PTPRD: variants seen among roughly 807,000 people sequenced by gnomAD.
The protein encoded by PTPRD is receptor-type tyrosine-protein phosphatase delta.
In PTPRD, 34 loss-of-function variants were observed where a neutral mutation model predicts 214.5. The observed-to-expected ratio is 0.16, with a 90% confidence interval of 0.12 to 0.21. PTPRD has a LOEUF of 0.21. PTPRD is among the 10% of genes least tolerant of loss of function. The pLI, the probability that PTPRD is intolerant of heterozygous loss-of-function variation, is 1.00. For synonymous variants in PTPRD, 1,128 were observed against 845.7 expected (o/e 1.33, Z -5.79); for missense variants, 2,545 against 2,398.7 (o/e 1.06, Z -1.27).
At chr9:8,323,611 C>T (rs1303820167) in intron 44 of PTPRD, among the ~76,000 whole-genome samples, 1 of 136,826 alleles carries the variant, frequency 7.3e-6, no homozygotes, top group Non-Finnish European at 1.5e-5. Flanking sequence ...GGTGGAATAG[C>T]AAGATAACTA....
At position 9,829,993 on chromosome 9, in the gene PTPRD, TA is replaced by T. The variant is rs566303806; in HGVS notation, c.-367-63143del. On this transcript the variant is annotated intron_variant, in intron 5 of 45. Transcript: ENST00000381196. ...TCTTTTGCATGCTTATCTGTTAAAGTATAGCAGAAGGTTAATAGTTCCATGT... is the reference window on the plus strand; with the variant it reads ...TCTTTTGCATGCTTATCTGTTAAAGTTAGCAGAAGGTTAATAGTTCCATGT... Among the ~76,000 whole-genome samples the T allele has an allele frequency of 4.9e-4, 75 of 151,936 alleles. No individual in the cohort carries two copies. In the South Asian group the frequency reaches 0.015, roughly 31 times the overall value.
At position 10,244,552 on chromosome 9, in the gene PTPRD, A is replaced by T. The variant is rs559072725; in HGVS notation, c.-545+96411T>A. On this transcript the variant is annotated intron_variant, in intron 3 of 45. Transcript: ENST00000381196. ...TTTTTTACAACAAAAGTAGTTTATT[A>T]GGTTAAGCAGGAGGAAAAAAATTCC... 2.0e-5 allele frequency among the ~76,000 whole-genome samples: 3 copies of T among 151,498 alleles called. No homozygotes were observed. The East Asian group carries it at 6.0e-4, about 30-fold the overall frequency.
intron 11 of PTPRD, among the ~76,000 whole-genome samples, chr9:9,003,692 G>C (rs991115052): frequency 6.6e-6 from 1 of 152,120 alleles, no homozygotes; most frequent in Admixed American, 6.6e-5. Flanking sequence ...CAAGCATGTT[G>C]GTTGCTTACT....
chr9:8,326,093 C>T (rs930070402), intron 44 of PTPRD, among the ~76,000 whole-genome samples: 4 of 152,224 alleles, frequency 2.6e-5, no homozygotes, highest in African/African-American at 9.6e-5. Flanking sequence ...TTGGCCAGAA[C>T]TTCCAATACT....
intron 8 of PTPRD, among the ~76,000 whole-genome samples, chr9:9,506,503 T>C (rs1369275219): frequency 2.0e-5 from 3 of 151,412 alleles, no homozygotes; most frequent in Non-Finnish European, 4.4e-5. Context: ...ATGCTTCTTA[T>C]ATGGGTTTCT....
chr9:9,184,144 T>G (rs184380277), intron 9 of PTPRD, among the ~76,000 whole-genome samples: 2 of 152,146 alleles, frequency 1.3e-5, no homozygotes, highest in Admixed American at 1.3e-4. Context: ...GGGGAGAGAC[T>G]TTTTGACACC....
intron 8 of PTPRD, among the ~76,000 whole-genome samples, chr9:9,413,056 G>A (rs1016658150): frequency 2.7e-5 from 4 of 149,622 alleles, no homozygotes; most frequent in Admixed American, 6.6e-5. Context: ...TTGTGATGAG[G>A]ACAGTCATTT....
At chr9:9,089,397 T>G (rs1418469780) in intron 10 of PTPRD, among the ~76,000 whole-genome samples, 1 of 152,108 alleles carries the variant, frequency 6.6e-6, no homozygotes, top group African/African-American at 2.4e-5. Context: ...AAATAATGAG[T>G]ATGTAGCTGG....
chr9:9,980,975 A>T (rs1364524875), intron 4 of PTPRD, among the ~76,000 whole-genome samples: 1 of 152,174 alleles, frequency 6.6e-6, no homozygotes, highest in South Asian at 2.1e-4. Flanking sequence ...GTCATTCTGC[A>T]GAAAAGTCTC....
intron 11 of PTPRD, among the ~76,000 whole-genome samples, chr9:8,973,225 C>T (rs2099249310): frequency 6.6e-6 from 1 of 151,904 alleles, no homozygotes; most frequent in Non-Finnish European, 1.5e-5. Context: ...CTTCTCTCCT[C>T]CCTCTAATCA....
chr9:9,854,669 T>C (rs1277132255), intron 5 of PTPRD, among the ~76,000 whole-genome samples: 1 of 152,194 alleles, frequency 6.6e-6, no homozygotes. Context: ...TTTGATTACT[T>C]ATCTAAATTG....
At chr9:9,033,016 G>C (rs192567146) in intron 10 of PTPRD, among the ~76,000 whole-genome samples, 76 of 152,124 alleles carry the variant, frequency 5.0e-4, no homozygotes, top group African/African-American at 1.8e-3. Context: ...TGCAAAAATG[G>C]TACTAATCAC....
chr9:8,894,146 G>C (rs755212592), intron 11 of PTPRD, among the ~76,000 whole-genome samples: 1 of 152,020 alleles, frequency 6.6e-6, no homozygotes, highest in Non-Finnish European at 1.5e-5. Flanking sequence ...CTGAGGTCAG[G>C]AGTTTGAGAC....
At chr9:9,166,291 ACT>A (rs763284917) in intron 10 of PTPRD, among the ~76,000 whole-genome samples, 43 of 151,906 alleles carry the variant, frequency 2.8e-4, no homozygotes, top group Non-Finnish European at 3.4e-4. Context: ...ATATTCCTAT[ACT>A]CTCTGGACTT....
At chr9:9,269,835 T>C (rs1942040818) in intron 9 of PTPRD, among the ~76,000 whole-genome samples, 1 of 151,220 alleles carries the variant, frequency 6.6e-6, no homozygotes, top group African/African-American at 2.4e-5. Flanking sequence ...AGTAGAAGGA[T>C]GGTAACCTGA....
intron 2 of PTPRD, among the ~76,000 whole-genome samples, chr9:10,600,166 A>G (rs746713676): frequency 1.3e-5 from 2 of 151,794 alleles, no homozygotes; most frequent in Non-Finnish European, 2.9e-5. Flanking sequence ...TCAACTTAAA[A>G]TGATTTGTTT....
rs192776888 is a variant in PTPRD, at chr9:9,015,500, G to A, written c.-104+3197C>T. Among the ~76,000 whole-genome samples, 49 of 152,240 alleles carry A rather than the reference G, an allele frequency of 3.2e-4. 1 individual carries two copies. The highest frequency in any genetic ancestry group is 1.2e-3 in the African/African-American group (48 of 41,548). ...GCATGAATAATCCACTCCTTGTTTA[G>A]CATATCATCAAGAAATAACCATAAA... On this transcript the variant is annotated intron_variant, in intron 11 of 45. Coordinates refer to ENST00000381196, the MANE Select transcript of PTPRD (RefSeq NM_002839.4).
At chr9:10,277,946 C>T (rs922364760) in intron 3 of PTPRD, among the ~76,000 whole-genome samples, 4 of 151,860 alleles carry the variant, frequency 2.6e-5, no homozygotes, top group Admixed American at 6.6e-5. Flanking sequence ...ATCATGAGGT[C>T]GGGAGATCGA....
chr9:10,413,646 G>C (rs910014909), intron 2 of PTPRD, among the ~76,000 whole-genome samples: 1 of 151,896 alleles, frequency 6.6e-6, no homozygotes, highest in East Asian at 1.9e-4. Flanking sequence ...AGCCCAAATA[G>C]CGAAGGCAAT....
Sources: gnomAD v4.1 joint callset for allele counts (sites outside exome capture counted in the v4.1 genomes callset) on GRCh38, gnomAD v4.1.1 for gene constraint, MANE v1.5 for transcripts, NCBI Gene and HGNC (gene_info 2026-07-23, HGNC 2026-07-21) for gene names.